SLC24A3: variants seen among roughly 807,000 people sequenced by gnomAD.
SLC24A3 encodes sodium/potassium/calcium exchanger 3.
Under a neutral mutation model 75.8 loss-of-function variants are expected in SLC24A3, and 28 were observed. That is an observed-to-expected ratio of 0.37 (90% CI 0.27 to 0.51). The LOEUF is 0.51. SLC24A3 is among the 20% of genes least tolerant of loss of function. The pLI, the probability that SLC24A3 is intolerant of heterozygous loss-of-function variation, is 0.94. For synonymous variants in SLC24A3, 372 were observed against 334.1 expected, an observed-to-expected ratio of 1.11 and a Z score of -1.24; for missense variants, 663 against 847.8, an observed-to-expected ratio of 0.78 and a Z score of 2.71.
At chr20:19,493,931 G>A (rs7269904) in intron 2 of SLC24A3, among the ~76,000 whole-genome samples, 3,986 of 152,280 alleles carry the variant, frequency 0.026, 192 homozygotes, top group African/African-American at 0.089. Context: ...CTCTCTCTCG[G>A]GTGTCTTGCT....
chr20:19,381,068 G>A (rs543329923), intron 2 of SLC24A3, among the ~76,000 whole-genome samples: 1 of 152,306 alleles, frequency 6.6e-6, no homozygotes, highest in African/African-American at 2.4e-5. Flanking sequence ...ATAGATGGTA[G>A]CTATTAGCAT....
Position 19,682,915 on chromosome 20 carries a change from G to A in SLC24A3, c.901+924G>A, listed in dbSNP as rs989693189. On this transcript the variant is annotated intron_variant, in intron 10 of 16. Coordinates refer to ENST00000328041, the MANE Select transcript of SLC24A3 (RefSeq NM_020689.4). ...AAATATATAATATTTTTTCTAAGAG[G>A]AACTCAGAAAATAATCATTTAATTT... Among the ~76,000 whole-genome samples, 5 of 152,146 alleles carry A rather than the reference G, an allele frequency of 3.3e-5. No homozygotes were observed. In the South Asian group the frequency reaches 6.2e-4, roughly 19 times the overall value.
chr20:19,440,645 GTT>G (rs11469517), intron 2 of SLC24A3, among the ~76,000 whole-genome samples: 2,034 of 131,332 alleles, frequency 0.015, 16 homozygotes, highest in Admixed American at 0.039. Flanking sequence ...AGGCCTCACT[GTT>G]TTTTTTTTTT....
At chr20:19,638,997 G>T (rs1263442162) in intron 6 of SLC24A3, among the ~76,000 whole-genome samples, 2 of 152,170 alleles carry the variant, frequency 1.3e-5, no homozygotes, top group Non-Finnish European at 2.9e-5. Context: ...CCACACTGTG[G>T]AAGGGGACCC....
Position 19,226,428 on chromosome 20 carries a change from C to A in SLC24A3, c.142+13444C>A, listed in dbSNP as rs945940870. Reference sequence around the variant, plus strand: ...TTTTGCTACCAGGGTAATACTGGCACCATAAAATGATTTAGGAGATGCTTC... The same window carrying A: ...TTTTGCTACCAGGGTAATACTGGCAACATAAAATGATTTAGGAGATGCTTC... On this transcript the variant is annotated intron_variant, in intron 1 of 16. Coordinates refer to ENST00000328041, the MANE Select transcript of SLC24A3 (RefSeq NM_020689.4). 2.0e-5 allele frequency among the ~76,000 whole-genome samples: 3 copies of A among 152,026 alleles called. No homozygotes were observed. The East Asian group carries it at 5.8e-4, about 29-fold the overall frequency.
chr20:19,638,646 G>A (rs1308600917), intron 6 of SLC24A3, among the ~76,000 whole-genome samples: 1 of 152,052 alleles, frequency 6.6e-6, no homozygotes, highest in Non-Finnish European at 1.5e-5. Flanking sequence ...ACCTTGAGAG[G>A]GTGCTATTAT....
At chr20:19,233,890 G>A (rs1201396332) in intron 1 of SLC24A3, among the ~76,000 whole-genome samples, 1 of 152,190 alleles carries the variant, frequency 6.6e-6, no homozygotes, top group Non-Finnish European at 1.5e-5. Context: ...TAGAATGGGA[G>A]CATTTATGCT....
chr20:19,598,395 T>G (rs1031544682), intron 6 of SLC24A3, among the ~76,000 whole-genome samples: 1 of 152,138 alleles, frequency 6.6e-6, no homozygotes, highest in African/African-American at 2.4e-5. Context: ...CGTGTCCGGC[T>G]TTCACTGGCA....
chr20:19,278,673 G>A lies in SLC24A3; in HGVS notation c.143-2286G>A, dbSNP rs147210406. On this transcript the variant is annotated intron_variant, in intron 1 of 16. Transcript: ENST00000328041. The stretch of plus-strand genomic sequence containing the variant: ...TCTTTGATATTGTCCTCATAATCTG[G>A]GCTAAGCTGATACATGTGGCCGCCA... 2.4e-3 allele frequency among the ~76,000 whole-genome samples: 358 copies of A among 152,180 alleles called. 2 individuals are homozygous for A. The highest frequency in any genetic ancestry group is 8.5e-3 in the African/African-American group (352 of 41,506).
At chr20:19,406,676 AC>A (rs1986652384) in intron 2 of SLC24A3, among the ~76,000 whole-genome samples, 1 of 152,182 alleles carries the variant, frequency 6.6e-6, no homozygotes, top group Non-Finnish European at 1.5e-5. Context: ...GAAAGGTAGC[AC>A]AGAGGGGGAA....
chr20:19,325,796 A>AT (rs55662440), intron 2 of SLC24A3, among the ~76,000 whole-genome samples: 1 of 46,794 alleles, frequency 2.1e-5, no homozygotes, highest in Non-Finnish European at 3.8e-5. Context: ...ATATATATAT[A>AT]GAGAGAGAGA....
intron 2 of SLC24A3, among the ~76,000 whole-genome samples, chr20:19,346,063 C>CTATATATATATA (rs763603062): frequency 2.4e-4 from 5 of 21,258 alleles, no homozygotes; most frequent in Non-Finnish European, 4.2e-4. Flanking sequence ...ATAAAGAAAA[C>CTATATATATATA]TATATATATA....
intron 15 of SLC24A3, among the ~76,000 whole-genome samples, chr20:19,708,485 CT>C (rs2032952913): frequency 6.6e-6 from 1 of 152,206 alleles, no homozygotes; most frequent in South Asian, 2.1e-4. Context: ...CCAGTCTTCC[CT>C]TTTCTGCAAA....
At chr20:19,348,819 G>A (rs761831092) in intron 2 of SLC24A3, among the ~76,000 whole-genome samples, 1 of 152,022 alleles carries the variant, frequency 6.6e-6, no homozygotes, top group African/African-American at 2.4e-5. Flanking sequence ...TCTGTGCTAG[G>A]TCTGTTTCAC....
At chr20:19,490,520 A>G (rs2122529698) in intron 2 of SLC24A3, among the ~76,000 whole-genome samples, 1 of 152,338 alleles carries the variant, frequency 6.6e-6, no homozygotes, top group Non-Finnish European at 1.5e-5. Flanking sequence ...CTTTAGGTGC[A>G]GTGGTATTTG....
rs79675703 is a variant in SLC24A3, at chr20:19,426,313, T to C, written c.272-89175T>C. ...CCAACAGCAAACTTACCAGGTAAAA[T>C]GTAAGATTTCTTGGAGCTATTTTCT... is the stretch of plus-strand genomic sequence containing the variant. On this transcript the variant is annotated intron_variant, in intron 2 of 16. Transcript: ENST00000328041. Among the ~76,000 whole-genome samples, 569 of 152,312 alleles carry C rather than the reference T, an allele frequency of 3.7e-3. 5 individuals carry two copies. The highest frequency in any genetic ancestry group is 0.013 in the African/African-American group (539 of 41,574).
intron 2 of SLC24A3, among the ~76,000 whole-genome samples, chr20:19,476,406 C>T (rs1987962505): frequency 1.3e-5 from 2 of 152,098 alleles, no homozygotes; most frequent in South Asian, 4.1e-4. Flanking sequence ...CCATAAAATT[C>T]CTGGAAGGTA....
chr20:19,708,683 C>T (rs1055455674), intron 15 of SLC24A3, among the ~76,000 whole-genome samples: 1 of 152,178 alleles, frequency 6.6e-6, no homozygotes, highest in Non-Finnish European at 1.5e-5. Context: ...GCTAGGGTCT[C>T]CTACAAACTA....
At chr20:19,488,635 C>G (rs1314395927) in intron 2 of SLC24A3, among the ~76,000 whole-genome samples, 3 of 152,144 alleles carry the variant, frequency 2.0e-5, no homozygotes, top group African/African-American at 7.2e-5. Context: ...ACAGTGGGCA[C>G]AAGTACAGGT....
Sources: allele counts gnomAD v4.1 joint callset (sites outside exome capture counted in the v4.1 genomes callset), GRCh38; gene constraint gnomAD v4.1.1; transcripts MANE v1.5; gene names NCBI Gene and HGNC (gene_info 2026-07-23, HGNC 2026-07-21).